Variants in NAALADL2 observed in about 807,000 individuals in gnomAD.
The protein encoded by NAALADL2 is inactive N-acetylated-alpha-linked acidic dipeptidase-like protein 2.
NAALADL2 carries 76 observed loss-of-function variants against 87.2 expected under a neutral mutation model. The ratio of observed to expected loss-of-function variants is 0.87; its 90% CI spans 0.72 to 1.05. The LOEUF (loss-of-function observed/expected upper bound fraction) is 1.05. Ranked by LOEUF, NAALADL2 falls within the 50% of genes least tolerant of loss-of-function variation. The pLI is 0.00. For synonymous variants in NAALADL2, 354 were observed against 331.0 expected (o/e 1.07, Z -0.75); for missense variants, 1,089 against 945.8 (o/e 1.15, Z -1.99).
At chr3:174,890,873 T>G (rs1170170702) in intron 1 of NAALADL2, among the ~76,000 whole-genome samples, 1 of 152,128 alleles carries the variant, frequency 6.6e-6, no homozygotes, top group African/African-American at 2.4e-5. Flanking sequence ...AATCAACCAC[T>G]TGTGGAATTC....
At chr3:174,730,272 G>T (rs564628927) in intron 2 of NAALADL2, among the ~76,000 whole-genome samples, 76 of 152,078 alleles carry the variant, frequency 5.0e-4, no homozygotes, top group African/African-American at 1.8e-3. Context: ...CTTTGAATTT[G>T]TTCTGTGTTA....
intron 2 of NAALADL2, among the ~76,000 whole-genome samples, chr3:175,107,158 A>G (rs992194732): frequency 1.9e-4 from 29 of 152,060 alleles, no homozygotes; most frequent in African/African-American, 6.8e-4. Context: ...CTAGGCTAAT[A>G]CATGGTATCA....
intron 2 of NAALADL2, among the ~76,000 whole-genome samples, chr3:174,719,882 A>G (rs1313898425): frequency 1.3e-5 from 2 of 152,182 alleles, no homozygotes; most frequent in Non-Finnish European, 2.9e-5. Context: ...GCTCACCGCA[A>G]CGTCCGCCTC....
intron 2 of NAALADL2, among the ~76,000 whole-genome samples, chr3:174,683,877 G>A (rs1417594882): frequency 2.0e-5 from 3 of 151,974 alleles, no homozygotes; most frequent in Admixed American, 1.3e-4. Flanking sequence ...GCTACAGAGT[G>A]TATAATATGC....
chr3:175,224,457 G>A (rs1743866297), intron 2 of NAALADL2, among the ~76,000 whole-genome samples: 1 of 152,120 alleles, frequency 6.6e-6, no homozygotes, highest in Non-Finnish European at 1.5e-5. Flanking sequence ...GTGTTAATAT[G>A]TATAAGATCA....
intron 1 of NAALADL2, among the ~76,000 whole-genome samples, chr3:175,087,544 T>A (rs1177150825): frequency 6.6e-6 from 1 of 152,218 alleles, no homozygotes; most frequent in East Asian, 1.9e-4. Context: ...CATAGGAGAC[T>A]CCATTTTGTT....
intron 13 of NAALADL2, among the ~76,000 whole-genome samples, chr3:175,760,395 G>A (rs1747845312): frequency 6.6e-6 from 1 of 152,132 alleles, no homozygotes; most frequent in African/African-American, 2.4e-5. Context: ...TTCTGAGTAA[G>A]GGGAGAGGGA....
At chr3:175,036,902 C>T (rs1193932488) in intron 1 of NAALADL2, among the ~76,000 whole-genome samples, 5 of 149,470 alleles carry the variant, frequency 3.3e-5, no homozygotes, top group Admixed American at 2.0e-4. Flanking sequence ...AAAGCTGAGG[C>T]ATTCCTTTAC....
chr3:175,353,478 AATGATT>A (rs1467943434), intron 5 of NAALADL2, among the ~76,000 whole-genome samples: 1 of 152,220 alleles, frequency 6.6e-6, no homozygotes, highest in Non-Finnish European at 1.5e-5. Context: ...CTATATAAAT[AATGATT>A]ATGAATTGCT....
intron 9 of NAALADL2, among the ~76,000 whole-genome samples, chr3:175,488,657 A>T (rs1018478321): frequency 2.0e-5 from 3 of 152,206 alleles, no homozygotes; most frequent in Non-Finnish European, 4.4e-5. Flanking sequence ...TTGTGAGATT[A>T]AATGTTTACC....
intron 3 of NAALADL2, among the ~76,000 whole-genome samples, chr3:175,244,689 T>C (rs989882037): frequency 1.3e-5 from 2 of 152,212 alleles, no homozygotes; most frequent in African/African-American, 4.8e-5. Flanking sequence ...TCCTCATTCC[T>C]TCAAGGACTA....
chr3:174,848,821 T>C (rs1227189903), intron 3 of NAALADL2, among the ~76,000 whole-genome samples: 1 of 152,184 alleles, frequency 6.6e-6, no homozygotes, highest in Non-Finnish European at 1.5e-5. Flanking sequence ...GCAAACATTA[T>C]AGAGTATAAA....
chr3:175,798,194 G>T (rs1022300800), intron 13 of NAALADL2, among the ~76,000 whole-genome samples: 1 of 151,854 alleles, frequency 6.6e-6, no homozygotes, highest in African/African-American at 2.4e-5. Context: ...GCCCCGATTT[G>T]TTTTTAAGGT....
At chr3:175,646,608 G>A (rs1730042565) in intron 11 of NAALADL2, among the ~76,000 whole-genome samples, 1 of 152,038 alleles carries the variant, frequency 6.6e-6, no homozygotes, top group African/African-American at 2.4e-5. Context: ...CTATCCCTAT[G>A]ATGTTCTATT....
intron 1 of NAALADL2, among the ~76,000 whole-genome samples, chr3:174,896,129 A>T (rs548664951): frequency 6.6e-5 from 10 of 152,276 alleles, no homozygotes; most frequent in African/African-American, 2.4e-4. Context: ...ACAAGCCAAG[A>T]ATACCACCTG....
intron 4 of NAALADL2, among the ~76,000 whole-genome samples, chr3:175,297,136 A>T (rs1041046622): frequency 6.6e-6 from 1 of 152,184 alleles, no homozygotes; most frequent in South Asian, 2.1e-4. Flanking sequence ...GCAGAAGTCA[A>T]GTCGTTACAA....
intron 9 of NAALADL2, among the ~76,000 whole-genome samples, chr3:175,514,654 C>T (rs961207058): frequency 5.9e-5 from 9 of 152,186 alleles, no homozygotes; most frequent in East Asian, 1.9e-4. Flanking sequence ...TTACAAGCAG[C>T]GGTGTGTTGT....
chr3:175,541,851 T>A (rs1291980837), intron 9 of NAALADL2, among the ~76,000 whole-genome samples: 1 of 152,148 alleles, frequency 6.6e-6, no homozygotes, highest in Non-Finnish European at 1.5e-5. Context: ...ACCTCAAATA[T>A]CTGGGATTAC....
At chr3:175,205,914 C>T (rs186638282) in intron 2 of NAALADL2, among the ~76,000 whole-genome samples, 47 of 151,694 alleles carry the variant, frequency 3.1e-4, no homozygotes, top group Non-Finnish European at 4.3e-4. Flanking sequence ...CTTACCCCTG[C>T]AACAATGGCC....
Sources: allele counts gnomAD v4.1 joint callset (sites outside exome capture counted in the v4.1 genomes callset), GRCh38; gene constraint gnomAD v4.1.1; transcripts MANE v1.5; gene names NCBI Gene and HGNC (gene_info 2026-07-23, HGNC 2026-07-21).